The following ROR2 variants were observed in gnomAD, a reference collection of about 807,000 sequenced individuals.
ROR2 encodes tyrosine-protein kinase transmembrane receptor ROR2.
ROR2 carries 33 observed loss-of-function variants against 74.9 expected under a neutral mutation model. That is an observed-to-expected ratio of 0.44 (90% CI 0.33 to 0.59). The LOEUF is 0.59. Ranked by LOEUF, ROR2 falls within the 20% of genes least tolerant of loss-of-function variation. ROR2 has a pLI of 0.02. For missense variants in ROR2, 1,216 were observed against 1,313.8 expected (o/e 0.93, Z 1.15); for synonymous variants, 586 against 558.7 (o/e 1.05, Z -0.69).
intron 1 of ROR2, 115 bp downstream of exon 1, chr9:91,949,752 C>T (rs578247776): frequency 8.2e-6 from 6 of 731,784 alleles, no homozygotes; most frequent in East Asian, 5.6e-5. Context: ...CCTGGCGCCC[C>T]TCGTTCAGGA....
chr9:91,858,776 C>G (rs1299444133), intron 1 of ROR2, among the ~76,000 whole-genome samples: 1 of 152,152 alleles, frequency 6.6e-6, no homozygotes, highest in Non-Finnish European at 1.5e-5. Flanking sequence ...TAAGTCCCGA[C>G]AAGAACCAAG....
chr9:91,933,704 G>C (rs1051262604), intron 1 of ROR2, among the ~76,000 whole-genome samples: 2 of 152,184 alleles, frequency 1.3e-5, no homozygotes, highest in African/African-American at 2.4e-5. Context: ...GATGAACCTT[G>C]AAAACATTAT....
intron 1 of ROR2, among the ~76,000 whole-genome samples, chr9:91,876,522 C>T (rs12684524): frequency 0.44 from 66,299 of 151,990 alleles, 16,149 homozygotes; most frequent in African/African-American, 0.65. Flanking sequence ...TGAGCTATTG[C>T]TTGAACCAAG....
rs550832968 is a variant in ROR2 at position 91,912,775 on chromosome 9, T to C, written c.97+37092A>G. Among the ~76,000 whole-genome samples the C allele has an allele frequency of 2.2e-4, 33 of 152,344 alleles. No individual in the cohort carries two copies. The East Asian group carries it at 3.5e-3, about 16-fold the overall frequency. On this transcript the variant is annotated intron_variant, in intron 1 of 8. Coordinates refer to ENST00000375708, the MANE Select transcript of ROR2 (RefSeq NM_004560.4). ...TGTTTCCCTTAAGTATTCAAGTTAA[T>C]AGAATAATTTCATTTTTAGCTAATC... is the stretch of plus-strand genomic sequence containing the variant.
At chr9:91,762,946 A>G (rs903007862) in intron 2 of ROR2, among the ~76,000 whole-genome samples, 7 of 152,204 alleles carry the variant, frequency 4.6e-5, no homozygotes, top group African/African-American at 1.4e-4. Context: ...AAGTACATAC[A>G]TGACTGGATA....
At chr9:91,901,803 C>CAA (rs369341148) in intron 1 of ROR2, among the ~76,000 whole-genome samples, 1 of 62,088 alleles carries the variant, frequency 1.6e-5, no homozygotes, top group African/African-American at 5.4e-5. Context: ...GACTCCATCT[C>CAA]AAAAAAAAAA....
chr9:91,845,150 A>C (rs765944170), intron 1 of ROR2, among the ~76,000 whole-genome samples: 16 of 152,006 alleles, frequency 1.1e-4, no homozygotes, highest in Non-Finnish European at 2.1e-4. Context: ...CCCTCTGTCC[A>C]GCGACTCAAG....
chr9:91,853,795 C>T (rs1829188851), intron 1 of ROR2, among the ~76,000 whole-genome samples: 1 of 152,196 alleles, frequency 6.6e-6, no homozygotes, highest in Non-Finnish European at 1.5e-5. Context: ...ATATTCAACT[C>T]GGCCTGATGG....
intron 1 of ROR2, among the ~76,000 whole-genome samples, chr9:91,819,827 G>GT (rs1828085145): frequency 6.6e-6 from 1 of 152,030 alleles, no homozygotes; most frequent in Non-Finnish European, 1.5e-5. Context: ...GTCTGTCTTT[G>GT]AATGTCATTG....
chr9:91,830,809 CGTGTGTGTGTGTGTGTGTGTGT>C (rs34963566), intron 1 of ROR2, among the ~76,000 whole-genome samples: 3 of 139,576 alleles, frequency 2.1e-5, no homozygotes, highest in East Asian at 2.1e-4. Flanking sequence ...TAACTGTGTC[CGTGTGTGTGTGTGTGTGTGTGT>C]GTGTGTGTGT....
chr9:91,915,469 C>G (rs936189198), intron 1 of ROR2, among the ~76,000 whole-genome samples: 2 of 152,098 alleles, frequency 1.3e-5, no homozygotes, highest in Non-Finnish European at 2.9e-5. Context: ...GTTTTTCTTC[C>G]GGTGGGTTCG....
Position 91,724,735 on chromosome 9 carries a change from G to A in ROR2, c.1759C>T (p.Leu587=). The change falls in exon 9 of 9, where the codon CTG becomes TTG. Residue 587 remains leucine, a synonymous_variant. Transcript: ENST00000375708. ...AGGTGCACGAAGTCGGGGGGCTCCA[G>A]GGCGGACTTCACCGTGCGGTCATCA... ...TDDDRTVKSA[L]EPPDFVHLVA... is the part of the protein sequence containing the mutation. 6.2e-7 allele frequency: 1 copy of A among 1,614,140 alleles called. No homozygotes were observed. The highest frequency in any genetic ancestry group is 1.1e-5 in the South Asian group (1 of 91,080).
chr9:91,925,276 T>C (rs188133944), intron 1 of ROR2, among the ~76,000 whole-genome samples: 165 of 152,132 alleles, frequency 1.1e-3, no homozygotes, highest in African/African-American at 3.6e-3. Flanking sequence ...ACACCAACCA[T>C]CTGCTCATCT....
intron 1 of ROR2, among the ~76,000 whole-genome samples, chr9:91,805,134 C>A (rs549806444): frequency 3.9e-5 from 6 of 152,226 alleles, no homozygotes; most frequent in Non-Finnish European, 8.8e-5. Flanking sequence ...CCCTCAGAAG[C>A]CCTGTCTGCC....
intron 1 of ROR2, among the ~76,000 whole-genome samples, chr9:91,813,818 C>A (rs574373520): frequency 6.6e-6 from 1 of 152,270 alleles, no homozygotes; most frequent in East Asian, 1.9e-4. Flanking sequence ...GTGTTTACCG[C>A]CTGGGAAAAA....
chr9:91,831,752 T>G (rs148778783), intron 1 of ROR2, among the ~76,000 whole-genome samples: 208 of 152,114 alleles, frequency 1.4e-3, no homozygotes, highest in African/African-American at 4.9e-3. Flanking sequence ...GAGGCGGAGC[T>G]TGCAGTGAGC....
intron 1 of ROR2, among the ~76,000 whole-genome samples, chr9:91,868,678 C>T (rs1829710100): frequency 6.6e-6 from 1 of 152,174 alleles, no homozygotes; most frequent in South Asian, 2.1e-4. Context: ...ATTTAAAGTG[C>T]TCAAAGACAC....
chr9:91,807,887 T>C (rs951148463), intron 1 of ROR2, among the ~76,000 whole-genome samples: 5 of 152,162 alleles, frequency 3.3e-5, no homozygotes, highest in African/African-American at 4.8e-5. Flanking sequence ...ATCTGACAGA[T>C]GACACTGTCC....
At chr9:91,901,689 G>A (rs1324694834) in intron 1 of ROR2, among the ~76,000 whole-genome samples, 8 of 151,750 alleles carry the variant, frequency 5.3e-5, no homozygotes, top group Admixed American at 2.6e-4. Context: ...GGTGGCATGC[G>A]CTTGTAATCC....
Sources: gnomAD v4.1 joint callset for allele counts (sites outside exome capture counted in the v4.1 genomes callset) on GRCh38, gnomAD v4.1.1 for gene constraint, MANE v1.5 for transcripts, NCBI Gene and HGNC (gene_info 2026-07-23, HGNC 2026-07-21) for gene names.